Variants in DHX35 observed in about 807,000 individuals in gnomAD.
DHX35 encodes the protein DEAH-box helicase 35.
In DHX35, 84 loss-of-function variants were observed where a neutral mutation model predicts 99.6. That is an observed-to-expected ratio of 0.84 (90% CI 0.71 to 1.01). The LOEUF (loss-of-function observed/expected upper bound fraction) is 1.01. DHX35 is among the 50% of genes least tolerant of loss of function. The pLI, the probability that DHX35 is intolerant of heterozygous loss-of-function variation, is 0.00. For missense variants in DHX35, 852 were observed against 888.5 expected, an observed-to-expected ratio of 0.96 and a Z score of 0.52; for synonymous variants, 331 against 316.2, an observed-to-expected ratio of 1.05 and a Z score of -0.50.
intron 11 of DHX35, 25 bp downstream of exon 11, chr20:39,003,932 G>T (rs748505176): frequency 4.3e-6 from 7 of 1,610,450 alleles, no homozygotes; most frequent in South Asian, 2.2e-5. Flanking sequence ...ATGACCAAGG[G>T]TGTTGGCAGC....
chr20:39,036,726 C>CCAAA (rs1568767834), intron 21 of DHX35, among the ~76,000 whole-genome samples: 2 of 51,664 alleles, frequency 3.9e-5, no homozygotes, highest in African/African-American at 1.6e-4. Flanking sequence ...ACTGTCCCCC[C>CCAAA]AAAAAAAAAA....
chr20:39,035,230 C>T (rs904434537), intron 21 of DHX35, among the ~76,000 whole-genome samples: 4 of 152,098 alleles, frequency 2.6e-5, no homozygotes, highest in Non-Finnish European at 5.9e-5. Context: ...CGCCACCATG[C>T]CCGGCTAATT....
intron 1 of DHX35, among the ~76,000 whole-genome samples, chr20:38,965,626 T>G (rs1207339284): frequency 6.6e-6 from 1 of 152,244 alleles, no homozygotes; most frequent in Non-Finnish European, 1.5e-5. Context: ...CCCAATTTTT[T>G]TTTTAAGAAG....
chr20:38,983,262 A>G (rs748829727), intron 3 of DHX35, among the ~76,000 whole-genome samples: 21 of 152,234 alleles, frequency 1.4e-4, no homozygotes, highest in Non-Finnish European at 2.9e-4. Flanking sequence ...GTGTATAGTC[A>G]TATATATAAA....
At chr20:38,983,631 G>A (rs1210300166) in intron 3 of DHX35, 68 bp from the exon 4 acceptor site, 3 of 1,280,776 alleles carry the variant, frequency 2.3e-6, no homozygotes, top group Middle Eastern at 1.8e-4. Flanking sequence ...CAATACGGGA[G>A]CATCTTGGGG....
intron 1 of DHX35, chr20:38,962,765 A>G (rs1280782528): frequency 1.0e-5 from 3 of 292,738 alleles, no homozygotes; most frequent in Non-Finnish European, 1.9e-5. Flanking sequence ...CCCGACAGAC[A>G]ATGCTGCTCG....
chr20:38,978,099 T>G, intron 3 of DHX35: 1 of 765,148 alleles, frequency 1.3e-6, no homozygotes, highest in East Asian at 2.4e-5. Context: ...TAATATGCAC[T>G]GGCCCTGAGC....
At chr20:39,027,764 G>T (rs2086981434) in intron 18 of DHX35, among the ~76,000 whole-genome samples, 1 of 152,212 alleles carries the variant, frequency 6.6e-6, no homozygotes, top group South Asian at 2.1e-4. Flanking sequence ...GTGAATTAAA[G>T]TTAGAAAAAG....
intron 8 of DHX35, among the ~76,000 whole-genome samples, chr20:38,996,335 C>G (rs144672148): frequency 6.6e-6 from 1 of 152,274 alleles, no homozygotes; most frequent in African/African-American, 2.4e-5. Flanking sequence ...CCACCTAAAA[C>G]AATGTCTAGC....
intron 2 of DHX35, 136 bp downstream of exon 2, chr20:38,969,350 C>A: frequency 9.4e-7 from 1 of 1,063,232 alleles, no homozygotes; most frequent in Non-Finnish European, 1.3e-6. Flanking sequence ...TAAGGGATGA[C>A]TTTTCATACT....
At chr20:39,017,510 A>C (rs986941991) in intron 14 of DHX35, among the ~76,000 whole-genome samples, 1 of 152,064 alleles carries the variant, frequency 6.6e-6, no homozygotes, top group African/African-American at 2.4e-5. Flanking sequence ...GATATTTCCT[A>C]TTTCTTCAAT....
At chr20:38,989,011 A>G in intron 5 of DHX35, 94 bp downstream of exon 5, 2 of 1,369,734 alleles carry the variant, frequency 1.5e-6, no homozygotes, top group Non-Finnish European at 2.0e-6. Context: ...TGTACAGGAC[A>G]TTGATACCAT....
chr20:39,019,844 T>A (rs993601069), intron 15 of DHX35, among the ~76,000 whole-genome samples: 2 of 152,196 alleles, frequency 1.3e-5, no homozygotes, highest in Non-Finnish European at 2.9e-5. Flanking sequence ...AACTGAAACT[T>A]TGTACCCTTT....
rs752441180 is a variant in DHX35, at chr20:39,018,877, T to C, written c.1476T>C (p.Phe492=). The change falls in exon 15 of 22, where the codon TTT becomes TTC. Residue 492 remains phenylalanine, a synonymous_variant. Coordinates refer to ENST00000252011, the MANE Select transcript of DHX35 (RefSeq NM_021931.4). ...CAGAGTTTCCTTTGAATCCCATGTT[T>C]GCCAAAATGCTGCTTGAATCAGGTG... ...RIAEFPLNPM[F]AKMLLESGNF... is the part of the protein sequence containing the mutation. 3.1e-6 allele frequency: 5 copies of C among 1,614,012 alleles called. No homozygotes were observed. The highest frequency in any genetic ancestry group is 1.7e-5 in the Admixed American group (1 of 60,006).
chr20:39,034,056 T>C lies in DHX35; in HGVS notation c.1956-150T>C, dbSNP rs116807159. On this transcript the variant is annotated intron_variant, in intron 20 of 21. Coordinates refer to ENST00000252011, the MANE Select transcript of DHX35 (RefSeq NM_021931.4). ...ACCCAGCACTTAGGTCTTGAGGCTG[T>C]GGTGAGCAACATAAATGCATGTGTT... The C allele has an allele frequency of 3.5e-3, 2,201 of 625,356 alleles. 49 individuals carry two copies. The African/African-American group carries it at 0.037, about 11-fold the overall frequency. The allele number at this position is 625,356 out of a possible 1,614,324, so 38.7% of individuals were successfully genotyped here. A position where few individuals can be genotyped will look rare whatever the true frequency, so the allele number is the denominator to read the frequency against.
intron 8 of DHX35, among the ~76,000 whole-genome samples, chr20:39,001,363 C>T (rs1390247636): frequency 6.6e-6 from 1 of 152,204 alleles, no homozygotes; most frequent in African/African-American, 2.4e-5. Flanking sequence ...CTAACCTGTA[C>T]TGAACTTGAG....
At chr20:38,967,420 A>T (rs1181348843) in intron 1 of DHX35, among the ~76,000 whole-genome samples, 1 of 152,226 alleles carries the variant, frequency 6.6e-6, no homozygotes, top group Non-Finnish European at 1.5e-5. Flanking sequence ...TTATTCATTT[A>T]CAAGGCAGCA....
chr20:38,976,565 C>T (rs56080732), intron 3 of DHX35, among the ~76,000 whole-genome samples: 3,150 of 152,096 alleles, frequency 0.021, 115 homozygotes, highest in African/African-American at 0.072. Flanking sequence ...TTATCATATC[C>T]ATCACCTCAA....
At chr20:38,978,202 A>G in intron 3 of DHX35, 1 of 1,051,092 alleles carries the variant, frequency 9.5e-7, no homozygotes, top group Non-Finnish European at 1.5e-6. Context: ...TGCCAGTGTT[A>G]CTTTAATTGG....
Sources: allele counts gnomAD v4.1 joint callset (sites outside exome capture counted in the v4.1 genomes callset), GRCh38; gene constraint gnomAD v4.1.1; transcripts MANE v1.5; gene names NCBI Gene and HGNC (gene_info 2026-07-23, HGNC 2026-07-21).